LCLAT1: variants seen among roughly 807,000 people sequenced by gnomAD.
LCLAT1 encodes the protein 1-AGP acyltransferase 8.
A neutral mutation model predicts 30.7 loss-of-function variants in LCLAT1; 11 were observed. That is an observed-to-expected ratio of 0.36 (90% CI 0.23 to 0.59). The LOEUF (loss-of-function observed/expected upper bound fraction) is 0.59, where lower values mean the gene tolerates loss of function less well. Ranked by LOEUF, LCLAT1 falls within the 20% of genes least tolerant of loss-of-function variation. The pLI is 0.77. For synonymous variants in LCLAT1, 155 were observed against 151.3 expected (o/e 1.02, Z -0.18); for missense variants, 402 against 458.6 (o/e 0.88, Z 1.13).
intron 3 of LCLAT1, among the ~76,000 whole-genome samples, chr2:30,548,494 A>G (rs1185863297): frequency 1.3e-5 from 2 of 152,214 alleles, no homozygotes; most frequent in African/African-American, 4.8e-5. Context: ...AGTTTATGTG[A>G]AGACCTGGGA....
At chr2:30,492,677 A>G (rs1455923161) in intron 1 of LCLAT1, among the ~76,000 whole-genome samples, 2 of 152,194 alleles carry the variant, frequency 1.3e-5, no homozygotes, top group African/African-American at 2.4e-5. Context: ...TTAACCTAAA[A>G]TGCTAGATAT....
intron 2 of LCLAT1, among the ~76,000 whole-genome samples, chr2:30,528,832 C>G (rs1685859189): frequency 6.6e-6 from 1 of 152,148 alleles, no homozygotes; most frequent in African/African-American, 2.4e-5. Flanking sequence ...GCATATCAGA[C>G]AGAGAAAGTT....
intron 1 of LCLAT1, among the ~76,000 whole-genome samples, chr2:30,508,787 T>C (rs564487297): frequency 8.5e-4 from 130 of 152,330 alleles, no homozygotes; most frequent in African/African-American, 2.7e-3. Flanking sequence ...AAATAGTTTT[T>C]TTCTAGTTCT....
chr2:30,481,000 G>T (rs992895292), intron 1 of LCLAT1, among the ~76,000 whole-genome samples: 1 of 152,104 alleles, frequency 6.6e-6, no homozygotes, highest in African/African-American at 2.4e-5. Context: ...TTTAAGTAGT[G>T]GTCAGCCTTA....
At chr2:30,450,883 C>T (rs912468703) in intron 1 of LCLAT1, among the ~76,000 whole-genome samples, 3 of 151,918 alleles carry the variant, frequency 2.0e-5, no homozygotes, top group Non-Finnish European at 4.4e-5. Context: ...AAATTGGAAA[C>T]TTCTCTTCAT....
intron 1 of LCLAT1, among the ~76,000 whole-genome samples, chr2:30,483,162 G>A (rs912612614): frequency 6.6e-6 from 1 of 152,100 alleles, no homozygotes; most frequent in African/African-American, 2.4e-5. Flanking sequence ...AGCATAGAGT[G>A]TATGGAAATT....
At chr2:30,551,841 A>G (rs997920441) in intron 3 of LCLAT1, among the ~76,000 whole-genome samples, 1 of 152,116 alleles carries the variant, frequency 6.6e-6, no homozygotes, top group Admixed American at 6.5e-5. Flanking sequence ...TTTATTTTTA[A>G]TTTTCATAGG....
At chr2:30,544,491 T>C (rs1281487093) in intron 3 of LCLAT1, among the ~76,000 whole-genome samples, 1 of 152,196 alleles carries the variant, frequency 6.6e-6, no homozygotes, top group Non-Finnish European at 1.5e-5. Context: ...CTAGTTTTTC[T>C]CAAAATATAA....
intron 1 of LCLAT1, among the ~76,000 whole-genome samples, chr2:30,515,172 A>G (rs1350523759): frequency 6.6e-6 from 1 of 152,122 alleles, no homozygotes; most frequent in Non-Finnish European, 1.5e-5. Context: ...TCCCACAACC[A>G]CTTTTCCTCC....
At chr2:30,502,283 T>G (rs1294873501) in intron 1 of LCLAT1, among the ~76,000 whole-genome samples, 1 of 152,232 alleles carries the variant, frequency 6.6e-6, no homozygotes, top group Non-Finnish European at 1.5e-5. Context: ...CTCTTTTTCC[T>G]TTGGCATTCA....
chr2:30,568,274 C>G, intron 5 of LCLAT1, 98 bp downstream of exon 5: 1 of 589,532 alleles, frequency 1.7e-6, no homozygotes, highest in Admixed American at 3.1e-5. Context: ...TTTTTTACTA[C>G]TTTGTCTCAA....
At chr2:30,474,649 C>CTTTTTTTTTTTT (rs10654986) in intron 1 of LCLAT1, among the ~76,000 whole-genome samples, 1 of 143,846 alleles carries the variant, frequency 7.0e-6, no homozygotes, top group Non-Finnish European at 1.5e-5. Context: ...AATAATTTAA[C>CTTTTTTTTTTTT]TTTTTTTTTT....
At chr2:30,542,979 C>T (rs571589356) in intron 3 of LCLAT1, among the ~76,000 whole-genome samples, 6 of 118,832 alleles carry the variant, frequency 5.0e-5, no homozygotes, top group African/African-American at 9.7e-5. Context: ...TGCCTTATTG[C>T]GGTGGCTATT....
chr2:30,544,885 CCTT>C (rs1664326447), intron 3 of LCLAT1, among the ~76,000 whole-genome samples: 2 of 152,132 alleles, frequency 1.3e-5, no homozygotes, highest in African/African-American at 2.4e-5. Context: ...CCAAACCTGT[CCTT>C]CTGCAAGACA....
chr2:30,548,967 C>T (rs1664555269), intron 3 of LCLAT1, among the ~76,000 whole-genome samples: 1 of 152,070 alleles, frequency 6.6e-6, no homozygotes, highest in Non-Finnish European at 1.5e-5. Flanking sequence ...TACTTTCTTC[C>T]ATTGGGAAGA....
intron 1 of LCLAT1, among the ~76,000 whole-genome samples, chr2:30,510,021 A>G (rs1319991150): frequency 1.3e-5 from 2 of 152,146 alleles, no homozygotes; most frequent in Non-Finnish European, 2.9e-5. Context: ...TCTTGACTCA[A>G]ACAGATGGTT....
At chr2:30,619,218 T>C (rs150873312) in intron 5 of LCLAT1, among the ~76,000 whole-genome samples, 30 of 152,336 alleles carry the variant, frequency 2.0e-4, no homozygotes, top group African/African-American at 6.7e-4. Flanking sequence ...TATATACTAC[T>C]TATAGACACT....
At chr2:30,571,698 C>A (rs539828562) in intron 5 of LCLAT1, among the ~76,000 whole-genome samples, 1 of 152,300 alleles carries the variant, frequency 6.6e-6, no homozygotes, top group Admixed American at 6.5e-5. Context: ...TACTGAAATA[C>A]TGGGTGCATT....
rs550654825 is a variant in LCLAT1, at chr2:30,623,585, A to G, written c.629-16532A>G. On this transcript the variant is annotated intron_variant, in intron 5 of 5. Transcript: ENST00000379509. ...AAAGGAAAAAGAATGGGGGAAAAAA[A>G]AAACAACAAAGCGTCCCAGAAGTTT... Among the ~76,000 whole-genome samples, 3 of 152,268 alleles carry G rather than the reference A, an allele frequency of 2.0e-5. No individual in the cohort carries two copies. The South Asian group carries it at 6.2e-4, about 32-fold the overall frequency.
Sources: gnomAD v4.1 joint callset for allele counts (sites outside exome capture counted in the v4.1 genomes callset) on GRCh38, gnomAD v4.1.1 for gene constraint, MANE v1.5 for transcripts, NCBI Gene and HGNC (gene_info 2026-07-23, HGNC 2026-07-21) for gene names.